Variants in UNC13C observed in about 807,000 individuals in gnomAD.
UNC13C encodes the protein protein unc-13 homolog C.
Under a neutral mutation model 245.4 loss-of-function variants are expected in UNC13C, and 174 were observed. That is an observed-to-expected ratio of 0.71 (90% CI 0.63 to 0.80). The LOEUF is 0.80. Among genes scored for constraint, UNC13C ranks in the 30% least tolerant of loss-of-function variants. The probability of loss-of-function intolerance (pLI) is 0.00; values close to 1 mark genes in which losing one functional copy is unlikely to be tolerated. For synonymous variants in UNC13C, 992 were observed against 895.1 expected (o/e 1.11, Z -1.93); for missense variants, 2,829 against 2,602.9 (o/e 1.09, Z -1.89).
chr15:54,560,022 T>C (rs1897237717), intron 29 of UNC13C, among the ~76,000 whole-genome samples: 1 of 151,948 alleles, frequency 6.6e-6, no homozygotes, highest in Non-Finnish European at 1.5e-5. Context: ...CCAGTTGTGG[T>C]AGAAAATAAT....
intron 22 of UNC13C, 43 bp downstream of exon 22, chr15:54,501,021 G>T (rs1213895092): frequency 6.3e-7 from 1 of 1,595,380 alleles, no homozygotes; most frequent in Non-Finnish European, 8.5e-7. Flanking sequence ...TGGGTCTGTG[G>T]CAATCTGAAA....
intron 14 of UNC13C, among the ~76,000 whole-genome samples, chr15:54,324,712 C>A (rs1219665626): frequency 6.6e-6 from 1 of 151,848 alleles, no homozygotes; most frequent in Non-Finnish European, 1.5e-5. Context: ...GGTAGTATAT[C>A]ATATAATTAA....
At chr15:54,502,937 C>T (rs1894294101) in intron 22 of UNC13C, among the ~76,000 whole-genome samples, 1 of 152,106 alleles carries the variant, frequency 6.6e-6, no homozygotes, top group Admixed American at 6.6e-5. Context: ...GACCTTTCTT[C>T]AGCTGTAATA....
In UNC13C at chr15:54,297,783, C is replaced by T. The variant is rs1373467494; in HGVS notation, c.3989-28C>T. On this transcript the variant is annotated intron_variant, in intron 11 of 32. Coordinates refer to ENST00000260323, the MANE Select transcript of UNC13C (RefSeq NM_001080534.3). Reference sequence around the variant, plus strand: ...AGAAAAACATTATTGTCAGACATGACTGACCAATTGCCTTTTTGCTTTATC... The same window carrying T: ...AGAAAAACATTATTGTCAGACATGATTGACCAATTGCCTTTTTGCTTTATC... 2.0e-6 allele frequency: 3 copies of T among 1,497,432 alleles called. No individual in the cohort carries two copies. In the African/African-American group the frequency reaches 4.1e-5, roughly 21 times the overall value. The allele number at this position is 1,497,432 out of a possible 1,614,324, so 92.8% of individuals were successfully genotyped here. A position where few individuals can be genotyped will look rare whatever the true frequency, so the allele number is the denominator to read the frequency against.
At chr15:54,365,073 TAG>T (rs1329086866) in intron 17 of UNC13C, among the ~76,000 whole-genome samples, 1 of 152,138 alleles carries the variant, frequency 6.6e-6, no homozygotes, top group East Asian at 1.9e-4. Flanking sequence ...TTTTGCCATT[TAG>T]AGAGAGAAAG....
chr15:53,867,499 G>T, the UNC13C span, among the ~76,000 whole-genome samples: 1 of 152,286 alleles, frequency 6.6e-6, no homozygotes, highest in South Asian at 2.1e-4. Flanking sequence ...AACTTCTGCA[G>T]TTCTTTACTA....
chr15:54,583,992 T>G (rs925803585), intron 30 of UNC13C, among the ~76,000 whole-genome samples: 5 of 152,080 alleles, frequency 3.3e-5, no homozygotes, highest in Admixed American at 2.0e-4. Flanking sequence ...CCTCCAGACT[T>G]CCCCTCGGGC....
chr15:54,464,837 G>T (rs1048436425), intron 19 of UNC13C, among the ~76,000 whole-genome samples: 1 of 151,258 alleles, frequency 6.6e-6, no homozygotes, highest in Non-Finnish European at 1.5e-5. Context: ...CAAATGGAAT[G>T]CTTTTAAATG....
chr15:54,357,236 T>G (rs2039116949), intron 17 of UNC13C, among the ~76,000 whole-genome samples: 1 of 152,054 alleles, frequency 6.6e-6, no homozygotes, highest in Non-Finnish European at 1.5e-5. Flanking sequence ...TAAATTGTGA[T>G]GAAAACATTG....
chr15:54,565,365 G>C (rs139333273), intron 29 of UNC13C, among the ~76,000 whole-genome samples: 1 of 152,038 alleles, frequency 6.6e-6, no homozygotes, highest in East Asian at 1.9e-4. Flanking sequence ...GGAGAAAACA[G>C]GTGGCACAGC....
chr15:54,409,410 TAGGC>T (rs919710938), intron 18 of UNC13C, among the ~76,000 whole-genome samples: 18 of 152,178 alleles, frequency 1.2e-4, no homozygotes, highest in African/African-American at 4.1e-4. Flanking sequence ...AGTGGGTACA[TAGGC>T]AGGTTTGTTA....
the UNC13C span, among the ~76,000 whole-genome samples, chr15:53,875,610 G>A: frequency 1.3e-5 from 2 of 152,170 alleles, no homozygotes; most frequent in East Asian, 1.9e-4. Context: ...ATTTGAGGAT[G>A]ATGTATCTGA....
intron 4 of UNC13C, among the ~76,000 whole-genome samples, chr15:54,190,967 A>C (rs1013994461): frequency 2.0e-5 from 3 of 152,088 alleles, no homozygotes; most frequent in Non-Finnish European, 4.4e-5. Context: ...TTATGTATGC[A>C]CTTTCCGTAA....
the UNC13C span, among the ~76,000 whole-genome samples, chr15:53,898,076 A>G: frequency 6.6e-6 from 1 of 152,154 alleles, no homozygotes; most frequent in Non-Finnish European, 1.5e-5. Flanking sequence ...TAACTCTTCC[A>G]GCTGTGAGAC....
chr15:53,851,310 G>T, the UNC13C span, among the ~76,000 whole-genome samples: 55 of 152,178 alleles, frequency 3.6e-4, no homozygotes, highest in African/African-American at 1.3e-3. Context: ...AGACAGTGAG[G>T]TTAACTCATT....
At chr15:54,372,662 ATG>A (rs1385537546) in intron 17 of UNC13C, among the ~76,000 whole-genome samples, 1 of 152,132 alleles carries the variant, frequency 6.6e-6, no homozygotes, top group African/African-American at 2.4e-5. Context: ...CCTCCACATT[ATG>A]TGTTTGGTAT....
chr15:54,605,113 G>A (rs1899693996), intron 30 of UNC13C, among the ~76,000 whole-genome samples: 1 of 152,144 alleles, frequency 6.6e-6, no homozygotes, highest in African/African-American at 2.4e-5. Context: ...AAGACCTGCT[G>A]GGTAGTAAAG....
chr15:53,931,724 C>G, the UNC13C span, among the ~76,000 whole-genome samples: 1 of 152,066 alleles, frequency 6.6e-6, no homozygotes. Flanking sequence ...TGCGACTCTT[C>G]TCTTAAAAAG....
intron 2 of UNC13C, among the ~76,000 whole-genome samples, chr15:54,051,751 ATTCT>A (rs1465977370): frequency 7.5e-6 from 1 of 133,238 alleles, no homozygotes; most frequent in Non-Finnish European, 1.6e-5. Flanking sequence ...ACTATACTCC[ATTCT>A]TTCTTTCTTT....
Sources: allele counts gnomAD v4.1 joint callset (sites outside exome capture counted in the v4.1 genomes callset), GRCh38; gene constraint gnomAD v4.1.1; transcripts MANE v1.5; gene names NCBI Gene and HGNC (gene_info 2026-07-23, HGNC 2026-07-21).